Variants in GXYLT2 observed in about 807,000 individuals in gnomAD.
The protein encoded by GXYLT2 is glucoside xylosyltransferase 2.
GXYLT2 carries 53 observed loss-of-function variants against 45.8 expected under a neutral mutation model. That is an observed-to-expected ratio of 1.16 (90% CI 0.93 to 1.46). GXYLT2 has a LOEUF of 1.46. Among genes scored for constraint, GXYLT2 ranks in the 40% most tolerant of loss-of-function variants. The pLI is 0.00. For missense variants in GXYLT2, 551 were observed against 544.4 expected, an observed-to-expected ratio of 1.01 and a Z score of -0.12; for synonymous variants, 219 against 214.2, an observed-to-expected ratio of 1.02 and a Z score of -0.19.
chr3:72,938,256 A>C (rs957777096), intron 3 of GXYLT2, among the ~76,000 whole-genome samples: 3 of 152,172 alleles, frequency 2.0e-5, no homozygotes, highest in Non-Finnish European at 2.9e-5. Context: ...GGGATGGACA[A>C]TGGATGGAAA....
chr3:72,957,125 T>G, intron 4 of GXYLT2, 104 bp from the exon 5 acceptor site: 1 of 1,211,894 alleles, frequency 8.3e-7, no homozygotes, highest in Non-Finnish European at 1.1e-6. Flanking sequence ...CTGTATTTGT[T>G]TCCCTCCTCT....
chr3:72,900,587 T>C (rs1273480988), intron 1 of GXYLT2, among the ~76,000 whole-genome samples: 1 of 151,926 alleles, frequency 6.6e-6, no homozygotes. Flanking sequence ...GCTACTTCTT[T>C]TTGTGTTTTT....
chr3:72,953,988 G>A (rs1710576449), intron 3 of GXYLT2, among the ~76,000 whole-genome samples: 1 of 152,154 alleles, frequency 6.6e-6, no homozygotes, highest in Non-Finnish European at 1.5e-5. Flanking sequence ...CTACTCGGGA[G>A]GCTGAGGTGG....
At chr3:72,941,443 C>T (rs887608290) in intron 3 of GXYLT2, among the ~76,000 whole-genome samples, 3 of 152,142 alleles carry the variant, frequency 2.0e-5, no homozygotes, top group Non-Finnish European at 4.4e-5. Context: ...ATTTCCCATT[C>T]CAGCCACTCT....
intron 1 of GXYLT2, among the ~76,000 whole-genome samples, chr3:72,889,117 A>C (rs1709127531): frequency 6.7e-6 from 1 of 149,218 alleles, no homozygotes; most frequent in Non-Finnish European, 1.5e-5. Flanking sequence ...TCCTCCTACA[A>C]GAAAAACAAC....
At chr3:72,888,714 A>G (rs1214144492) in intron 1 of GXYLT2, among the ~76,000 whole-genome samples, 1 of 152,114 alleles carries the variant, frequency 6.6e-6, no homozygotes, top group African/African-American at 2.4e-5. Flanking sequence ...AATCACGTAC[A>G]TTTTTTGAAG....
intron 3 of GXYLT2, among the ~76,000 whole-genome samples, chr3:72,943,934 T>C (rs767468221): frequency 2.0e-5 from 3 of 152,034 alleles, no homozygotes; most frequent in Non-Finnish European, 4.4e-5. Context: ...TCCTCCCATT[T>C]TGGCCTTCCA....
chr3:72,966,956 CA>C (rs1710877674), intron 5 of GXYLT2, among the ~76,000 whole-genome samples: 2 of 152,140 alleles, frequency 1.3e-5, no homozygotes, highest in Admixed American at 1.3e-4. Context: ...TGTATGGAGA[CA>C]GGGGTCTTGC....
intron 6 of GXYLT2, among the ~76,000 whole-genome samples, chr3:72,970,324 C>G (rs989568010): frequency 6.6e-6 from 1 of 151,624 alleles, no homozygotes; most frequent in African/African-American, 2.4e-5. Flanking sequence ...ACACTCCAGC[C>G]TGAGTGACAG....
intron 3 of GXYLT2, among the ~76,000 whole-genome samples, chr3:72,927,782 T>C (rs1709945915): frequency 6.6e-6 from 1 of 152,222 alleles, no homozygotes; most frequent in South Asian, 2.1e-4. Context: ...AATGATTACA[T>C]GAAATGACCT....
intron 5 of GXYLT2, among the ~76,000 whole-genome samples, chr3:72,958,586 A>G (rs897028225): frequency 6.6e-5 from 10 of 150,834 alleles, no homozygotes; most frequent in African/African-American, 2.4e-4. Flanking sequence ...CCCAATACCA[A>G]TTTAGTAGAG....
Position 72,955,356 on chromosome 3 carries a change from G to A in GXYLT2, c.852+7G>A, listed in dbSNP as rs749047866. The A allele has an allele frequency of 3.7e-6, 6 of 1,611,248 alleles. 1 individual carries two copies. The highest frequency in any genetic ancestry group is 2.2e-5 in the South Asian group (2 of 90,932). ...AAGAAGTACCCAGTTCAAGGTAAAC[G>A]AGTGCTTTAAAATTCCTTGTTTAAA... On this transcript the variant is annotated splice_region_variant and intron_variant, in intron 4 of 6. Coordinates refer to ENST00000389617, the MANE Select transcript of GXYLT2 (RefSeq NM_001080393.2).
intron 1 of GXYLT2, among the ~76,000 whole-genome samples, chr3:72,901,595 C>T (rs998945195): frequency 2.8e-5 from 3 of 108,896 alleles, no homozygotes; most frequent in African/African-American, 1.1e-4. Context: ...GAGTCTCACT[C>T]TGTCGCCCAG....
intron 5 of GXYLT2, 36 bp downstream of exon 5, chr3:72,957,388 G>A: frequency 1.3e-6 from 2 of 1,562,872 alleles, no homozygotes; most frequent in South Asian, 1.2e-5. Context: ...TTGTGTAGGA[G>A]TACACTCAGC....
rs3078689 is a variant in GXYLT2, at chr3:72,954,637, AAAATAAATAAAT to A, written c.601-431_601-420del. ...GGCGACAGAGTGAGACTCCATCTCA[AAAATAAATAAAT>A]AAATAAATAAATAAATAAATAAATA... On this transcript the variant is annotated intron_variant, in intron 3 of 6. Coordinates refer to ENST00000389617, the MANE Select transcript of GXYLT2 (RefSeq NM_001080393.2). Among the ~76,000 whole-genome samples the A allele has an allele frequency of 7.5e-4, 102 of 136,002 alleles. 1 individual carries two copies. The highest frequency in any genetic ancestry group is 1.4e-3 in the African/African-American group (53 of 36,684). 89.2% of individuals were successfully genotyped at this position (136,002 alleles called of 152,430 possible). A position where few individuals can be genotyped will look rare whatever the true frequency, so the allele number is the denominator to read the frequency against.
chr3:72,918,431 AAAAC>A (rs1575788690), intron 2 of GXYLT2, among the ~76,000 whole-genome samples: 1 of 152,330 alleles, frequency 6.6e-6, no homozygotes, highest in African/African-American at 2.4e-5. Flanking sequence ...AAACAACACT[AAAAC>A]AAACAACCTT....
rs1190334072 is a variant in GXYLT2, at chr3:72,936,658, A to C, written c.600+14323A>C. Reference sequence around the variant, plus strand: ...CCATCTCAAAAAACAACAACAACAAAAAAACAACAAAAAAAAACCGAAACA... The same window carrying C: ...CCATCTCAAAAAACAACAACAACAACAAAACAACAAAAAAAAACCGAAACA... On this transcript the variant is annotated intron_variant, in intron 3 of 6. Transcript: ENST00000389617. Among the ~76,000 whole-genome samples the C allele has an allele frequency of 6.6e-5, 4 of 60,600 alleles. No individual in the cohort carries two copies. In the East Asian group the frequency reaches 2.8e-3, roughly 42 times the overall value. 39.8% of individuals were successfully genotyped at this position (60,600 alleles called of 152,430 possible).
chr3:72,905,074 AAAAAAAAAAAAAAAG>A (rs1248800007), intron 1 of GXYLT2, among the ~76,000 whole-genome samples: 9 of 149,576 alleles, frequency 6.0e-5, no homozygotes, highest in African/African-American at 2.2e-4. Context: ...CAAAAAAAAA[AAAAAAAAAAAAAAAG>A]GAAAGAAAAG....
At chr3:72,902,528 T>G (rs947476040) in intron 1 of GXYLT2, among the ~76,000 whole-genome samples, 6 of 152,142 alleles carry the variant, frequency 3.9e-5, no homozygotes, top group Admixed American at 3.9e-4. Flanking sequence ...ATCAGAAAAG[T>G]GTTCAAGACA....
Sources: allele counts gnomAD v4.1 joint callset (sites outside exome capture counted in the v4.1 genomes callset), GRCh38; gene constraint gnomAD v4.1.1; transcripts MANE v1.5; gene names NCBI Gene and HGNC (gene_info 2026-07-23, HGNC 2026-07-21).